The following RNF144A variants were observed in gnomAD, a reference collection of about 807,000 sequenced individuals.
RNF144A encodes E3 ubiquitin-protein ligase RNF144A.
Under a neutral mutation model 38.7 loss-of-function variants are expected in RNF144A, and 11 were observed. The observed-to-expected ratio is 0.28, with a 90% CI of 0.18 to 0.47. The LOEUF (loss-of-function observed/expected upper bound fraction) is 0.47. Among genes scored for constraint, RNF144A ranks in the 20% least tolerant of loss-of-function variants. The pLI is 0.99. For synonymous variants in RNF144A, 149 were observed against 143.9 expected, an observed-to-expected ratio of 1.04 and a Z score of -0.25; for missense variants, 316 against 377.2, an observed-to-expected ratio of 0.84 and a Z score of 1.34.
At chr2:6,931,586 A>G (rs1665213788) in intron 1 of RNF144A, among the ~76,000 whole-genome samples, 1 of 152,240 alleles carries the variant, frequency 6.6e-6, no homozygotes, top group Non-Finnish European at 1.5e-5. Flanking sequence ...TTTCAGTTAA[A>G]GATAGCCTAG....
chr2:6,924,778 C>G (rs1262824560), intron 1 of RNF144A, among the ~76,000 whole-genome samples: 1 of 152,256 alleles, frequency 6.6e-6, no homozygotes, highest in Non-Finnish European at 1.5e-5. Flanking sequence ...GCTAAGTGTG[C>G]TGTGAAGTGT....
At chr2:7,062,497 TA>T (rs70942688) in intron 6 of RNF144A, among the ~76,000 whole-genome samples, 55,871 of 113,372 alleles carry the variant, frequency 0.49, 12,370 homozygotes, top group South Asian at 0.63. Flanking sequence ...TGCTGGGTGC[TA>T]AAAAAAAAAA....
chr2:6,987,945 T>C (rs1297272098), intron 2 of RNF144A, among the ~76,000 whole-genome samples: 2 of 152,252 alleles, frequency 1.3e-5, no homozygotes, highest in African/African-American at 4.8e-5. Context: ...GGCCCTTCTG[T>C]GTACCTTTCT....
In RNF144A at chr2:7,008,151, C is replaced by T. The variant is rs147152736; in HGVS notation, c.136-6303C>T. Among the ~76,000 whole-genome samples, 433 of 152,360 alleles carry T rather than the reference C, an allele frequency of 2.8e-3. 7 individuals carry two copies. Among genetic ancestry groups the T allele is most frequent in the Middle Eastern group, 0.01 (3 of 294 alleles). Reference sequence around the variant, plus strand: ...CCATCTCACCCTGTCTCTGGCTTCCCGGGCTCAGTCTTCAGAGCCTATCAC... The same window carrying T: ...CCATCTCACCCTGTCTCTGGCTTCCTGGGCTCAGTCTTCAGAGCCTATCAC... On this transcript the variant is annotated intron_variant, in intron 3 of 8. Coordinates refer to ENST00000320892, the MANE Select transcript of RNF144A (RefSeq NM_014746.6).
intron 2 of RNF144A, among the ~76,000 whole-genome samples, chr2:6,952,127 T>C (rs569165003): frequency 1.3e-5 from 2 of 152,320 alleles, no homozygotes; most frequent in South Asian, 4.1e-4. Flanking sequence ...ACATGTTGAA[T>C]TTTATCAAAG....
At chr2:7,019,728 T>C (rs1671390696) in intron 5 of RNF144A, among the ~76,000 whole-genome samples, 1 of 152,220 alleles carries the variant, frequency 6.6e-6, no homozygotes, top group Non-Finnish European at 1.5e-5. Flanking sequence ...TTTAAAGAAA[T>C]GCAATTTTTG....
intron 2 of RNF144A, among the ~76,000 whole-genome samples, chr2:6,984,966 C>T (rs1572337227): frequency 6.6e-6 from 1 of 152,214 alleles, no homozygotes. Context: ...CTGTTATCAC[C>T]CCATAGAGTT....
At chr2:7,012,723 G>C (rs1040697280) in intron 3 of RNF144A, among the ~76,000 whole-genome samples, 1 of 152,194 alleles carries the variant, frequency 6.6e-6, no homozygotes, top group East Asian at 1.9e-4. Flanking sequence ...CCTCTCCCTT[G>C]TTCTGAAAGA....
intron 6 of RNF144A, among the ~76,000 whole-genome samples, chr2:7,064,451 C>T (rs906371297): frequency 1.3e-5 from 2 of 152,104 alleles, no homozygotes; most frequent in African/African-American, 4.8e-5. Context: ...AGTGAGGGGG[C>T]TTCAGGAAGA....
chr2:7,054,325 C>T (rs1673642411), intron 6 of RNF144A, among the ~76,000 whole-genome samples: 2 of 152,218 alleles, frequency 1.3e-5, no homozygotes, highest in African/African-American at 4.8e-5. Flanking sequence ...ATCATACATG[C>T]ACACACATAC....
Position 7,024,401 on chromosome 2 carries a change from C to G in RNF144A, c.542C>G (p.Pro181Arg), listed in dbSNP as rs1485285666. The G allele has an allele frequency of 8.1e-6, 13 of 1,609,414 alleles. No individual in the cohort carries two copies. Among genetic ancestry groups the G allele is most frequent in the African/African-American group, 1.3e-5 (1 of 74,862 alleles). Residue 181 changes from proline to arginine, a missense_variant, in exon 7 of 9, where the codon CCC becomes CGC. Physicochemically the swap from Pro to Arg is moderately radical, Grantham distance 103 (BLOSUM62 -2). Transcript: ENST00000320892. ...TTCAAAATGGAAGAAGATGACGCGC[C>G]CATCAAGCGCTGCCCCAAGTGCAAA... ...AAFKMEEDDA[P>R]IKRCPKCKVY... is the part of the protein sequence containing the mutation.
intron 2 of RNF144A, among the ~76,000 whole-genome samples, chr2:6,989,102 G>A (rs1212480242): frequency 6.6e-6 from 1 of 152,210 alleles, no homozygotes; most frequent in African/African-American, 2.4e-5. Flanking sequence ...GGCACTAGAT[G>A]TGCTTGTTGC....
Position 7,024,444 on chromosome 2 carries a change from C to T in RNF144A, c.585C>T (p.Asp195=), listed in dbSNP as rs375859384. 1.4e-5 allele frequency: 22 copies of T among 1,613,052 alleles called. No individual in the cohort carries two copies. Among genetic ancestry groups the T allele is most frequent in the South Asian group, 7.7e-5 (7 of 91,074 alleles). The part of the protein sequence containing the change: ...CPKCKVYIER[D]EGCAQMMCKN... ...AGTGCAAAGTCTACATCGAGCGAGA[C>T]GAAGGCTGCGCGCAGATGATGTGCA... Residue 195 remains aspartate (D), a synonymous_variant, in exon 7 of 9, where the codon GAC becomes GAT. Coordinates refer to ENST00000320892, the MANE Select transcript of RNF144A (RefSeq NM_014746.6).
In RNF144A at chr2:7,041,737, G is replaced by A. The variant is rs1673056041; in HGVS notation, c.*1977G>A. Reference sequence around the variant, plus strand: ...CTGTGTCCAGTGGCCCACAGGACACGCCTCCACCATATGCTCATCCTTCCT... The same window carrying A: ...CTGTGTCCAGTGGCCCACAGGACACACCTCCACCATATGCTCATCCTTCCT... On this transcript the variant is annotated 3_prime_UTR_variant, in exon 9 of 9. Coordinates refer to ENST00000320892, the MANE Select transcript of RNF144A (RefSeq NM_014746.6). 3.8e-5 allele frequency: 37 copies of A among 985,514 alleles called. No homozygotes were observed. The highest frequency in any genetic ancestry group is 4.3e-5 in the Non-Finnish European group (36 of 830,030). The allele number at this position is 985,514 out of a possible 1,614,324, so 61.0% of individuals were successfully genotyped here.
intron 2 of RNF144A, among the ~76,000 whole-genome samples, chr2:6,957,413 T>G (rs1339713061): frequency 2.6e-5 from 4 of 152,212 alleles, no homozygotes; most frequent in Non-Finnish European, 5.9e-5. Flanking sequence ...TGCAAAAGTG[T>G]GTGCAAAGTG....
At chr2:6,999,250 C>G (rs115391889) in intron 3 of RNF144A, among the ~76,000 whole-genome samples, 1 of 152,166 alleles carries the variant, frequency 6.6e-6, no homozygotes, top group African/African-American at 2.4e-5. Flanking sequence ...CACCTCTGTC[C>G]GTAGCTCACT....
At chr2:6,968,393 G>C (rs999209548) in intron 2 of RNF144A, among the ~76,000 whole-genome samples, 2 of 152,382 alleles carry the variant, frequency 1.3e-5, no homozygotes, top group Non-Finnish European at 2.9e-5. Flanking sequence ...GAGCAGGCAA[G>C]GTTAGAACAG....
rs373358941 is a variant in RNF144A at position 6,939,911 on chromosome 2, A to G, written c.-211-1037A>G. Among the ~76,000 whole-genome samples the G allele has an allele frequency of 2.4e-4, 37 of 152,302 alleles. 1 individual carries two copies. Among genetic ancestry groups the G allele is most frequent in the African/African-American group, 8.2e-4 (34 of 41,576 alleles). On this transcript the variant is annotated intron_variant, in intron 1 of 8. Coordinates refer to ENST00000320892, the MANE Select transcript of RNF144A (RefSeq NM_014746.6). The stretch of plus-strand genomic sequence containing the variant: ...ACTGTCACTTCTAATCTATTAATCC[A>G]TATGTCTGTCCTTATGTCACTATTA...
At chr2:7,010,037 T>C (rs982882124) in intron 3 of RNF144A, among the ~76,000 whole-genome samples, 21 of 152,238 alleles carry the variant, frequency 1.4e-4, no homozygotes, top group African/African-American at 4.3e-4. Context: ...TAATTAATAG[T>C]TCTTGTTTTC....
Sources: allele counts gnomAD v4.1 joint callset (sites outside exome capture counted in the v4.1 genomes callset), GRCh38; gene constraint gnomAD v4.1.1; transcripts MANE v1.5; gene names NCBI Gene and HGNC (gene_info 2026-07-23, HGNC 2026-07-21).